Variants in AGBL4 observed in about 807,000 individuals in gnomAD.
AGBL4 encodes AGBL carboxypeptidase 4.
A neutral mutation model predicts 66.4 loss-of-function variants in AGBL4; 58 were observed. The ratio of observed to expected loss-of-function variants is 0.87; its 90% CI spans 0.71 to 1.09. The LOEUF is 1.09. Among genes scored for constraint, AGBL4 ranks in the 50% least tolerant of loss-of-function variants. The pLI is 0.00. For missense variants in AGBL4, 579 were observed against 631.0 expected (o/e 0.92, Z 0.88); for synonymous variants, 234 against 222.9 (o/e 1.05, Z -0.44).
At chr1:49,164,929 TTGGG>T (rs1646606559) in intron 4 of AGBL4, among the ~76,000 whole-genome samples, 1 of 152,070 alleles carries the variant, frequency 6.6e-6, no homozygotes. Context: ...TAGCTCCCTG[TTGGG>T]TGGGGTTTAG....
chr1:49,562,135 G>T (rs1377242081), intron 3 of AGBL4, among the ~76,000 whole-genome samples: 2 of 151,994 alleles, frequency 1.3e-5, no homozygotes, highest in African/African-American at 2.4e-5. Flanking sequence ...CATATCCTTC[G>T]CCGACTTTTT....
Position 49,989,808 on chromosome 1 carries a change from TTC to T in AGBL4, c.34+33953_34+33954del, listed in dbSNP as rs1467097882. ...AAATGCTCCAGAAATTTTTAAAATA[TTC>T]TCTCTTTACAGTATTATTTCCTTAC... On this transcript the variant is annotated intron_variant, in intron 1 of 13. Coordinates refer to ENST00000371839, the MANE Select transcript of AGBL4 (RefSeq NM_032785.4). Among the ~76,000 whole-genome samples the T allele has an allele frequency of 9.2e-5, 14 of 152,328 alleles. No individual in the cohort carries two copies. The South Asian group carries it at 2.3e-3, about 25-fold the overall frequency.
chr1:48,814,148 T>C (rs1312316855), intron 6 of AGBL4, among the ~76,000 whole-genome samples: 1 of 152,094 alleles, frequency 6.6e-6, no homozygotes, highest in East Asian at 1.9e-4. Flanking sequence ...AGACTGATTG[T>C]CCCCCAGTTC....
chr1:49,122,633 AC>A (rs1275658021), intron 4 of AGBL4, among the ~76,000 whole-genome samples: 6 of 152,210 alleles, frequency 3.9e-5, no homozygotes, highest in African/African-American at 1.4e-4. Flanking sequence ...AATCCAAGCA[AC>A]CTGCAGTTTA....
chr1:49,590,230 A>G (rs1274351710), intron 3 of AGBL4, among the ~76,000 whole-genome samples: 2 of 152,102 alleles, frequency 1.3e-5, no homozygotes, highest in Non-Finnish European at 2.9e-5. Context: ...TAAAAGCTCA[A>G]CATCAGACTT....
chr1:49,643,770 G>T (rs1290193693), intron 3 of AGBL4, among the ~76,000 whole-genome samples: 1 of 151,502 alleles, frequency 6.6e-6, no homozygotes, highest in Non-Finnish European at 1.5e-5. Flanking sequence ...ACTTTACCTA[G>T]TATATATGTA....
chr1:49,444,420 T>C (rs1646105811), intron 3 of AGBL4, among the ~76,000 whole-genome samples: 1 of 152,132 alleles, frequency 6.6e-6, no homozygotes. Context: ...TAAATATTCT[T>C]ATAGCAATAT....
intron 7 of AGBL4, among the ~76,000 whole-genome samples, chr1:48,656,724 C>T (rs1646027141): frequency 6.6e-6 from 1 of 152,138 alleles, no homozygotes; most frequent in South Asian, 2.1e-4. Flanking sequence ...AACACAGAAA[C>T]AGAAAACCAA....
At chr1:49,230,909 C>G (rs192844425) in intron 4 of AGBL4, among the ~76,000 whole-genome samples, 1 of 151,966 alleles carries the variant, frequency 6.6e-6, no homozygotes, top group Non-Finnish European at 1.5e-5. Flanking sequence ...TGATCATAAG[C>G]CAAAGAGCAA....
At chr1:48,941,583 C>G (rs983245536) in intron 5 of AGBL4, among the ~76,000 whole-genome samples, 1 of 152,142 alleles carries the variant, frequency 6.6e-6, no homozygotes, top group Admixed American at 6.5e-5. Context: ...TCCTTGGGAT[C>G]CTTTAAGCTG....
chr1:49,931,705 G>T (rs1464403927), intron 1 of AGBL4, among the ~76,000 whole-genome samples: 2 of 152,074 alleles, frequency 1.3e-5, no homozygotes, highest in African/African-American at 2.4e-5. Flanking sequence ...TTGATCTAAA[G>T]ATTTAATAAA....
intron 3 of AGBL4, among the ~76,000 whole-genome samples, chr1:49,593,569 C>G (rs140621446): frequency 2.3e-4 from 35 of 152,278 alleles, no homozygotes; most frequent in African/African-American, 7.7e-4. Context: ...ACTTAAATTA[C>G]TTACATATAG....
Position 48,534,255 on chromosome 1 carries a change from C to T in AGBL4, c.1430G>A (p.Arg477Gln), listed in dbSNP as rs1045280598. The T allele has an allele frequency of 5.2e-6, 8 of 1,551,586 alleles. No individual in the cohort carries two copies. The highest frequency in any genetic ancestry group is 6.1e-6 in the Non-Finnish European group (7 of 1,146,918). Reference sequence around the variant, plus strand: ...GTTGGGGTAGTTGCTGGCTGGGCCCCGCAGGAGTGGGTGCTTGTAAGGAGG... The same window carrying T: ...GTTGGGGTAGTTGCTGGCTGGGCCCTGCAGGAGTGGGTGCTTGTAAGGAGG... ...KSPPYKHPLL[R>Q]GPASNYPNSK... The change falls in exon 14 of 14, where the codon CGG (arginine) becomes CAG (glutamine). Residue 477 changes from arginine to glutamine, a missense_variant. Coordinates refer to ENST00000371839, the MANE Select transcript of AGBL4 (RefSeq NM_032785.4).
At position 49,424,107 on chromosome 1, in the gene AGBL4, G is replaced by A. The variant is rs1645606452; in HGVS notation, c.283-178243C>T. On this transcript the variant is annotated intron_variant, in intron 3 of 13. Transcript: ENST00000371839. ...GGCTACCCAGACTGAGTAGGCAGTG[G>A]TGCCTTGAACAATGCCATTTTCGAA... is the stretch of plus-strand genomic sequence containing the variant. 2.0e-5 allele frequency among the ~76,000 whole-genome samples: 3 copies of A among 152,228 alleles called. No individual in the cohort carries two copies. In the South Asian group the frequency reaches 6.2e-4, roughly 32 times the overall value.
intron 3 of AGBL4, among the ~76,000 whole-genome samples, chr1:49,439,196 A>G (rs1282251343): frequency 6.6e-6 from 1 of 152,192 alleles, no homozygotes; most frequent in Non-Finnish European, 1.5e-5. Flanking sequence ...GATGAACGTA[A>G]AAGAAAGCAA....
intron 5 of AGBL4, among the ~76,000 whole-genome samples, chr1:49,006,034 G>A (rs936295490): frequency 1.4e-4 from 21 of 151,994 alleles, no homozygotes; most frequent in Admixed American, 2.6e-4. Context: ...CAAGATGGCC[G>A]AATAGGAACA....
intron 3 of AGBL4, among the ~76,000 whole-genome samples, chr1:49,641,411 T>C (rs1165135047): frequency 1.3e-5 from 2 of 152,058 alleles, no homozygotes; most frequent in Non-Finnish European, 1.5e-5. Flanking sequence ...AATGAAATAA[T>C]CTTATCTGTA....
intron 6 of AGBL4, among the ~76,000 whole-genome samples, chr1:48,780,114 G>T (rs925729424): frequency 4.0e-5 from 6 of 151,676 alleles, no homozygotes; most frequent in African/African-American, 1.5e-4. Context: ...TGCCATGATG[G>T]TTTGCTGCAC....
chr1:49,750,844 G>A (rs956931781), intron 2 of AGBL4, among the ~76,000 whole-genome samples: 12 of 151,978 alleles, frequency 7.9e-5, no homozygotes, highest in African/African-American at 2.9e-4. Flanking sequence ...TATTCTCTTT[G>A]TAGTAATTGT....
Sources: gnomAD v4.1 joint callset for allele counts (sites outside exome capture counted in the v4.1 genomes callset) on GRCh38, gnomAD v4.1.1 for gene constraint, MANE v1.5 for transcripts, NCBI Gene and HGNC (gene_info 2026-07-23, HGNC 2026-07-21) for gene names.